Variants in SHBG observed in about 807,000 individuals in gnomAD.
SHBG encodes sex hormone-binding globulin.
In SHBG, 37 loss-of-function variants were observed where a neutral mutation model predicts 41.9. That is an observed-to-expected ratio of 0.88 (90% CI 0.68 to 1.16). The LOEUF is 1.16. Among genes scored for constraint, SHBG ranks in the 50% most tolerant of loss-of-function variants. The pLI is 0.00. For missense variants in SHBG, 466 were observed against 499.9 expected (o/e 0.93, Z 0.65); for synonymous variants, 217 against 205.8 (o/e 1.05, Z -0.47).
rs762931392 is a variant in SHBG, at chr17:7,630,398, G to T, written c.112-18G>T. 5 of 1,612,604 alleles carry T rather than the reference G, an allele frequency of 3.1e-6. No homozygotes were observed. Among genetic ancestry groups the T allele is most frequent in the Non-Finnish European group, 4.2e-6 (5 of 1,178,728 alleles). Reference sequence around the variant, plus strand: ...GACATGTCCCTACTCAGCTTTGTTTGTTTTCTCTTTCTGATAGAGTGCCCA... The same window carrying T: ...GACATGTCCCTACTCAGCTTTGTTTTTTTTCTCTTTCTGATAGAGTGCCCA... On this transcript the variant is annotated intron_variant, in intron 1 of 7. Transcript: ENST00000380450. This position sits in a 1 kb window ranked among gnomAD's most constrained non-coding sequence, Gnocchi z 4.6.
Position 7,632,872 on chromosome 17 carries a change from G to C in SHBG, c.973G>C (p.Ala325Pro). ...CTTGAGCCAAGGGTCGAAGATGAAG[G>C]CCCTTGCCCTGCCTCCCTTAGGCCT... ...VVLSQGSKMK[A>P]LALPPLGLAP... is the part of the protein sequence containing the mutation. The change falls in exon 7 of 8, where the codon GCC (alanine) becomes CCC (proline). Residue 325 changes from alanine (A) to proline (P), a missense_variant. Transcript: ENST00000380450. 1 of 1,614,128 alleles carries C rather than the reference G, an allele frequency of 6.2e-7. No homozygotes were observed. Among genetic ancestry groups the C allele is most frequent in the Non-Finnish European group, 8.5e-7 (1 of 1,179,996 alleles).
At chr17:7,625,803 A>G (rs1403220984), upstream of SHBG, among the ~76,000 whole-genome samples, 1 of 151,932 alleles carries the variant, frequency 6.6e-6, no homozygotes, top group East Asian at 1.9e-4. Context: ...AGGCAGGAGA[A>G]TCACTTGAAC....
At position 7,630,191 on chromosome 17, in the gene SHBG, C is replaced by A. The variant is rs1270207212; in HGVS notation, c.19C>A (p.Leu7Met). ...GCTGATTATGGAGAGCAGAGGCCCACTGGCTACCTCGCGCCTGCTGCTGTT... is the reference window on the plus strand; with the variant it reads ...GCTGATTATGGAGAGCAGAGGCCCAATGGCTACCTCGCGCCTGCTGCTGTT... Reference protein sequence around the residue: MESRGPLATSRLLLLLL... With the variant: MESRGPMATSRLLLLLL... The change falls in exon 1 of 8, where the codon CTG becomes ATG. Residue 7 changes from leucine to methionine, a missense_variant. Physicochemically the swap from Leu to Met is conservative, Grantham distance 15. Coordinates refer to ENST00000380450, the MANE Select transcript of SHBG (RefSeq NM_001040.5). The surrounding 1 kb of genome is among the most constrained non-coding windows in gnomAD (Gnocchi z 4.6). The A allele has an allele frequency of 6.2e-7, 1 of 1,613,968 alleles. No individual in the cohort carries two copies.
At chr17:7,619,666 A>G (rs2072055523) in intron 1 of SHBG, among the ~76,000 whole-genome samples, 1 of 149,226 alleles carries the variant, frequency 6.7e-6, no homozygotes, top group African/African-American at 2.5e-5. Flanking sequence ...AGCCGAGATC[A>G]TGCCATTGCA....
Position 7,631,361 on chromosome 17 carries a change from G to A in SHBG, c.555G>A (p.Pro185=), listed in dbSNP as rs755982387. 2.5e-6 allele frequency: 4 copies of A among 1,612,434 alleles called. No homozygotes were observed. The highest frequency in any genetic ancestry group is 1.1e-5 in the South Asian group (1 of 90,928). The part of the protein sequence containing the change: ...LLFPASNLRL[P]LVPALDGCLR... ...TCCCCGCTTCCAACCTTCGGTTGCC[G>A]GTAACTACACCCCAGGGGTGGAACC... Residue 185 remains proline, a splice_region_variant and synonymous_variant, in exon 4 of 8, where the codon CCG becomes CCA. Transcript: ENST00000380450.
intron 1 of SHBG, among the ~76,000 whole-genome samples, chr17:7,616,927 ACT>A (rs955350235): frequency 6.6e-6 from 1 of 152,112 alleles, no homozygotes; most frequent in African/African-American, 2.4e-5. Flanking sequence ...AAAGAGCGAC[ACT>A]CTGTCTCAAA....
In SHBG at chr17:7,631,597, T is replaced by C; in HGVS notation, c.564T>C (p.Pro188=). The stretch of plus-strand genomic sequence containing the variant: ...TCTCTGTCACACTCCAGCTGGTTCC[T>C]GCCCTGGATGGCTGCCTGCGCCGGG... ...PASNLRLPLV[P]ALDGCLRRDS... is the part of the protein sequence containing the mutation. Residue 188 remains proline, a synonymous_variant, in exon 5 of 8, where the codon CCT becomes CCC. Coordinates refer to ENST00000380450, the MANE Select transcript of SHBG (RefSeq NM_001040.5). 6 of 1,614,134 alleles carry C rather than the reference T, an allele frequency of 3.7e-6. No homozygotes were observed. Among genetic ancestry groups the C allele is most frequent in the Non-Finnish European group, 5.1e-6 (6 of 1,180,002 alleles).
rs772483794 is a variant in SHBG, at chr17:7,632,958, A to G, written c.1059A>G (p.Pro353=). 1 of 1,612,410 alleles carries G rather than the reference A, an allele frequency of 6.2e-7. No individual in the cohort carries two copies. Among genetic ancestry groups the G allele is most frequent in the Non-Finnish European group, 8.5e-7 (1 of 1,178,606 alleles). The change falls in exon 7 of 8, where the codon CCA becomes CCG. Residue 353 remains proline (P), a splice_region_variant and synonymous_variant. Coordinates refer to ENST00000380450, the MANE Select transcript of SHBG (RefSeq NM_001040.5). ...GGCGTCTCTTCCTGGGGGCTTTACC[A>G]GGTAAGAGAGAATGATGTTCAAGTT... is the stretch of plus-strand genomic sequence containing the variant. ...PQGRLFLGAL[P]GEDSSTSFCL... is the part of the protein sequence containing the mutation.
At chr17:7,632,132 C>A in intron 6 of SHBG, 117 bp downstream of exon 6, 1 of 1,090,316 alleles carries the variant, frequency 9.2e-7, no homozygotes, top group Non-Finnish European at 1.4e-6. Flanking sequence ...CATAACAAGA[C>A]TGGCTCCACA....
upstream of SHBG, chr17:7,627,924 C>A: frequency 3.6e-6 from 2 of 562,834 alleles, no homozygotes; most frequent in Admixed American, 2.5e-5. This position sits in a 1 kb window ranked among gnomAD's most constrained non-coding sequence, Gnocchi z 4.8. Flanking sequence ...GGAGAACAGG[C>A]ACGGCCGCGT....
chr17:7,633,082 T>G, intron 7 of SHBG, 122 bp from the exon 8 acceptor site: 1 of 1,406,948 alleles, frequency 7.1e-7, no homozygotes, highest in South Asian at 1.2e-5. Flanking sequence ...GAAGAAGATA[T>G]GGGGGCAGTG....
upstream of SHBG, chr17:7,626,182 TCTG>T: frequency 3.0e-6 from 1 of 332,680 alleles, no homozygotes; most frequent in Non-Finnish European, 5.3e-6. Flanking sequence ...CGACAGAGAC[TCTG>T]TCTCAAAAAA....
upstream of SHBG, chr17:7,626,906 C>A: frequency 6.3e-7 from 1 of 1,596,982 alleles, no homozygotes; most frequent in Non-Finnish European, 8.6e-7. Context: ...CTGTGGGGTG[C>A]TTTGCTCCCA....
chr17:7,627,113 G>C, upstream of SHBG: 1 of 1,613,588 alleles, frequency 6.2e-7, no homozygotes, highest in Non-Finnish European at 8.5e-7. The surrounding 1 kb of genome is among the most constrained non-coding windows in gnomAD (Gnocchi z 4.8). Flanking sequence ...CGGCTGGAGA[G>C]GTGGACTTCT....
intron 6 of SHBG, among the ~76,000 whole-genome samples, chr17:7,632,371 G>C (rs1321142809): frequency 6.6e-6 from 1 of 152,046 alleles, no homozygotes. Context: ...TTGAGCCCAG[G>C]AGTTTGAAGC....
chr17:7,627,046 T>C (rs1364634729), upstream of SHBG: 1 of 1,613,646 alleles, frequency 6.2e-7, no homozygotes, highest in African/African-American at 1.3e-5. The surrounding 1 kb of genome is among the most constrained non-coding windows in gnomAD (Gnocchi z 4.8). Context: ...CGCAGGGCCC[T>C]GAGAGAGAGA....
At chr17:7,619,293 A>C (rs1567758381) in intron 1 of SHBG, among the ~76,000 whole-genome samples, 1 of 151,142 alleles carries the variant, frequency 6.6e-6, no homozygotes, top group Admixed American at 6.6e-5. Context: ...GGGAGGCTGA[A>C]GCAGGAGAAT....
At chr17:7,626,900 G>A, upstream of SHBG, 2 of 1,602,918 alleles carry the variant, frequency 1.2e-6, no homozygotes, top group Non-Finnish European at 1.7e-6. Flanking sequence ...TGGGGTCTGT[G>A]GGGTGCTTTG....
upstream of SHBG, chr17:7,627,229 G>C (rs930926323): frequency 5.0e-6 from 8 of 1,613,926 alleles, no homozygotes; most frequent in African/African-American, 8.0e-5. This position sits in a 1 kb window ranked among gnomAD's most constrained non-coding sequence, Gnocchi z 4.8. Flanking sequence ...TCTCAGGGCT[G>C]CCGAGATTGG....
Sources: allele counts gnomAD v4.1 joint callset (sites outside exome capture counted in the v4.1 genomes callset), GRCh38; gene constraint gnomAD v4.1.1; non-coding constraint Gnocchi (gnomAD v3.1); transcripts MANE v1.5; gene names NCBI Gene and HGNC (gene_info 2026-07-23, HGNC 2026-07-21).